GPHN: variants seen among roughly 807,000 people sequenced by gnomAD.
GPHN encodes the protein gephyrin.
Under a neutral mutation model 95.5 loss-of-function variants are expected in GPHN, and 17 were observed. The observed-to-expected ratio is 0.18, with a 90% CI of 0.12 to 0.27. The LOEUF is 0.27. Ranked by LOEUF, GPHN falls within the 10% of genes least tolerant of loss-of-function variation. GPHN has a pLI of 1.00. For synonymous variants in GPHN, 320 were observed against 322.5 expected (o/e 0.99, Z 0.08); for missense variants, 660 against 978.1 (o/e 0.67, Z 4.34).
chr14:67,621,249 T>A, the GPHN span, among the ~76,000 whole-genome samples: 60 of 152,234 alleles, frequency 3.9e-4, no homozygotes, highest in Non-Finnish European at 7.6e-4. Flanking sequence ...CAGCTTCAAC[T>A]GCACAGTCAA....
At chr14:66,649,930 G>A (rs971394254) in intron 1 of GPHN, among the ~76,000 whole-genome samples, 1 of 151,998 alleles carries the variant, frequency 6.6e-6, no homozygotes, top group African/African-American at 2.4e-5. Context: ...ACTTTCATCT[G>A]CTTCTCTTTC....
chr14:66,618,538 A>C (rs928680364), intron 1 of GPHN, among the ~76,000 whole-genome samples: 2 of 152,066 alleles, frequency 1.3e-5, no homozygotes, highest in Non-Finnish European at 2.9e-5. Context: ...TGCTGTATTC[A>C]TTTTCTGTTT....
intron 4 of GPHN, among the ~76,000 whole-genome samples, chr14:66,855,686 C>T (rs1567024528): frequency 6.6e-6 from 1 of 152,020 alleles, no homozygotes. Flanking sequence ...CTGTGTTTCA[C>T]ATCTTAAGAA....
chr14:67,350,186 A>T, the GPHN span, among the ~76,000 whole-genome samples: 1 of 152,208 alleles, frequency 6.6e-6, no homozygotes, highest in South Asian at 2.1e-4. Flanking sequence ...AATTCTCAAA[A>T]ATTTATCCTA....
intron 2 of GPHN, among the ~76,000 whole-genome samples, chr14:66,696,420 C>T (rs549345761): frequency 5.2e-4 from 79 of 152,246 alleles, no homozygotes; most frequent in African/African-American, 1.7e-3. Context: ...ACTGAAAGTC[C>T]TAAGAAATAA....
At chr14:67,065,188 G>A (rs1211042591) in intron 11 of GPHN, among the ~76,000 whole-genome samples, 1 of 152,062 alleles carries the variant, frequency 6.6e-6, no homozygotes, top group East Asian at 1.9e-4. Flanking sequence ...ATTTCATTAT[G>A]TACCCAGTAG....
intron 4 of GPHN, among the ~76,000 whole-genome samples, chr14:66,841,114 TA>T (rs1472166554): frequency 6.6e-6 from 1 of 151,950 alleles, no homozygotes; most frequent in African/African-American, 2.4e-5. Context: ...CACAAGTCCC[TA>T]CCTTTATGGA....
intron 9 of GPHN, among the ~76,000 whole-genome samples, chr14:67,020,005 G>A (rs755024337): frequency 6.6e-6 from 1 of 152,132 alleles, no homozygotes; most frequent in Non-Finnish European, 1.5e-5. Flanking sequence ...GGTGGAGGGT[G>A]GGGAGGTAAA....
chr14:66,539,574 C>T (rs142634389), intron 1 of GPHN, among the ~76,000 whole-genome samples: 2 of 149,008 alleles, frequency 1.3e-5, no homozygotes, highest in East Asian at 4.0e-4. Flanking sequence ...GCCACTATGG[C>T]TGGCTAATTT....
intron 1 of GPHN, among the ~76,000 whole-genome samples, chr14:66,658,598 AC>A (rs2065447553): frequency 6.6e-6 from 1 of 152,308 alleles, no homozygotes; most frequent in East Asian, 1.9e-4. Context: ...CAAAAACTTT[AC>A]ATCTCATTGA....
chr14:66,903,362 A>G (rs144062219), intron 5 of GPHN, among the ~76,000 whole-genome samples: 5 of 152,056 alleles, frequency 3.3e-5, no homozygotes, highest in Middle Eastern at 3.4e-3. Context: ...TCCTTTGTCT[A>G]TTTTTACAGT....
the GPHN span, chr14:67,199,832 C>A: frequency 1.3e-6 from 2 of 1,497,210 alleles, no homozygotes; most frequent in Non-Finnish European, 1.8e-6. Flanking sequence ...ACCTGGGATA[C>A]CCCCAGCCAT....
the GPHN span, chr14:67,393,221 TG>T: frequency 6.2e-7 from 1 of 1,613,772 alleles, no homozygotes; most frequent in Non-Finnish European, 8.5e-7. Context: ...GTTGCTATCG[TG>T]CATCTTGTCC....
the GPHN span, chr14:67,382,707 C>A: frequency 8.6e-7 from 1 of 1,166,468 alleles, no homozygotes. Flanking sequence ...TCATTCAGGC[C>A]TTTGATCACT....
rs111391781 is a variant in GPHN, at chr14:66,756,561, T to C, written c.144-19903T>C. Among the ~76,000 whole-genome samples the C allele has an allele frequency of 3.1e-3, 472 of 152,214 alleles. 11 individuals are homozygous for C. Among genetic ancestry groups the C allele is most frequent in the African/African-American group, 0.011 (447 of 41,550 alleles). On this transcript the variant is annotated intron_variant, in intron 2 of 22. Transcript: ENST00000478722. ...ATTTCCATTTTATAGGCAAGCAATA[T>C]GGAGTTTAGATTAAAAAAAATTGTT...
At chr14:66,974,755 C>G (rs892228468) in intron 9 of GPHN, among the ~76,000 whole-genome samples, 3 of 152,050 alleles carry the variant, frequency 2.0e-5, no homozygotes, top group East Asian at 1.9e-4. Context: ...GTATCATTCT[C>G]TTATGTTTTT....
intron 9 of GPHN, among the ~76,000 whole-genome samples, chr14:66,978,274 G>A (rs1333632860): frequency 6.6e-6 from 1 of 152,136 alleles, no homozygotes; most frequent in African/African-American, 2.4e-5. Context: ...AGACAAGTTT[G>A]CCAGATCGAT....
chr14:66,931,359 G>T (rs1395049636), intron 8 of GPHN, among the ~76,000 whole-genome samples: 1 of 152,050 alleles, frequency 6.6e-6, no homozygotes, highest in Admixed American at 6.5e-5. Context: ...TTAGTGTTCT[G>T]TAGCCTTCGT....
chr14:67,531,501 G>GA, the GPHN span, among the ~76,000 whole-genome samples: 1 of 151,862 alleles, frequency 6.6e-6, no homozygotes, highest in Non-Finnish European at 1.5e-5. Context: ...CAACTGAGCT[G>GA]AAAAAAATGT....
Sources: allele counts gnomAD v4.1 joint callset (sites outside exome capture counted in the v4.1 genomes callset), GRCh38; gene constraint gnomAD v4.1.1; transcripts MANE v1.5; gene names NCBI Gene and HGNC (gene_info 2026-07-23, HGNC 2026-07-21).